Variants in FCHO2 observed in about 807,000 individuals in gnomAD.
FCHO2 encodes FCH and mu domain containing endocytic adaptor 2, also known as F-BAR domain only protein 2.
A neutral mutation model predicts 114.1 loss-of-function variants in FCHO2; 43 were observed. The observed-to-expected ratio is 0.38, with a 90% CI of 0.30 to 0.49. FCHO2 has a LOEUF of 0.49. FCHO2 is among the 20% of genes least tolerant of loss of function. The probability of loss-of-function intolerance (pLI) is 0.97; values close to 1 mark genes in which losing one functional copy is unlikely to be tolerated. For missense variants in FCHO2, 807 were observed against 950.4 expected (o/e 0.85, Z 1.98); for synonymous variants, 293 against 315.2 (o/e 0.93, Z 0.75).
At chr5:73,016,357 G>T (rs188724978) in intron 7 of FCHO2, among the ~76,000 whole-genome samples, 1,240 of 108,450 alleles carry the variant, frequency 0.011, no homozygotes, top group African/African-American at 0.029. Context: ...TATTAAAAAA[G>T]ATTTTAAATT....
intron 11 of FCHO2, among the ~76,000 whole-genome samples, chr5:73,043,441 A>T (rs1029002579): frequency 6.6e-6 from 1 of 152,168 alleles, no homozygotes; most frequent in African/African-American, 2.4e-5. Context: ...ATTAGTGTGT[A>T]TATGTGTGTG....
At chr5:73,064,670 A>G (rs914324223) in intron 18 of FCHO2, among the ~76,000 whole-genome samples, 1 of 152,034 alleles carries the variant, frequency 6.6e-6, no homozygotes, top group Non-Finnish European at 1.5e-5. Context: ...TGCCTCAACA[A>G]CCTACATTAC....
rs536829887 is a variant in FCHO2, at chr5:73,001,947, A to T, written c.496-4498A>T. 1.3e-3 allele frequency among the ~76,000 whole-genome samples: 205 copies of T among 152,052 alleles called. 1 individual carries two copies. The highest frequency in any genetic ancestry group is 3.1e-3 in the Admixed American group (48 of 15,278). ...AGCTGATTGAAAAAATATAAGTCAG[A>T]ACTTAAAAAGAGTACCTTCTTTCTT... On this transcript the variant is annotated intron_variant, in intron 5 of 25. Transcript: ENST00000430046.
chr5:73,017,084 C>T, intron 7 of FCHO2, 128 bp from the exon 8 acceptor site: 1 of 559,756 alleles, frequency 1.8e-6, no homozygotes, highest in Non-Finnish European at 3.0e-6. Context: ...AAATTAAAGT[C>T]CTCAAAGGGC....
intron 7 of FCHO2, among the ~76,000 whole-genome samples, 158 bp from the exon 8 acceptor site, chr5:73,017,054 A>C (rs527402932): frequency 2.0e-5 from 3 of 152,342 alleles, no homozygotes; most frequent in Admixed American, 6.5e-5. Context: ...CTACAGATCC[A>C]GTAATGCTGG....
chr5:73,011,370 CATCTT>C (rs1453237079), intron 6 of FCHO2, among the ~76,000 whole-genome samples: 1 of 152,164 alleles, frequency 6.6e-6, no homozygotes, highest in Non-Finnish European at 1.5e-5. Flanking sequence ...TTTGGGATGA[CATCTT>C]AAAGTAGAAA....
At chr5:72,977,845 C>T (rs1752970686) in intron 2 of FCHO2, among the ~76,000 whole-genome samples, 1 of 152,186 alleles carries the variant, frequency 6.6e-6, no homozygotes, top group South Asian at 2.1e-4. Flanking sequence ...TATGGTTAGC[C>T]AGTTTTCCCA....
chr5:72,964,214 C>T (rs1235721078), intron 1 of FCHO2, among the ~76,000 whole-genome samples: 2 of 152,106 alleles, frequency 1.3e-5, no homozygotes, highest in Non-Finnish European at 2.9e-5. Context: ...ATTCAACTAA[C>T]TGGCAGAGGT....
intron 2 of FCHO2, among the ~76,000 whole-genome samples, chr5:72,970,772 C>G (rs1938230553): frequency 6.6e-6 from 1 of 151,732 alleles, no homozygotes; most frequent in South Asian, 2.1e-4. Context: ...CATATGTATA[C>G]ATGTGCCGTG....
chr5:72,985,095 A>G (rs1561422971), intron 2 of FCHO2, among the ~76,000 whole-genome samples: 1 of 152,088 alleles, frequency 6.6e-6, no homozygotes, highest in African/African-American at 2.4e-5. Context: ...TTTATTAAAT[A>G]TCTTCCTTTA....
At chr5:73,080,923 C>A (rs1273947247) in intron 22 of FCHO2, among the ~76,000 whole-genome samples, 1 of 151,946 alleles carries the variant, frequency 6.6e-6, no homozygotes, top group Non-Finnish European at 1.5e-5. Context: ...CCAGTCTGGG[C>A]AATAAAAAGA....
At chr5:73,037,818 G>A (rs751279567) in intron 10 of FCHO2, 59 of 347,898 alleles carry the variant, frequency 1.7e-4, no homozygotes, top group South Asian at 1.1e-3. Context: ...ATGCAATGGC[G>A]CGATCTTGGC....
chr5:72,968,662 A>G (rs773396604), intron 2 of FCHO2, 73 bp downstream of exon 2: 175 of 1,052,028 alleles, frequency 1.7e-4, no homozygotes, highest in Non-Finnish European at 2.2e-4. Context: ...TAAATAATGG[A>G]GAAAACTTTA....
chr5:73,027,662 A>G (rs557291780), intron 8 of FCHO2, among the ~76,000 whole-genome samples: 1 of 152,296 alleles, frequency 6.6e-6, no homozygotes, highest in Admixed American at 6.5e-5. Flanking sequence ...AATAAAATAA[A>G]TAGCCATTAA....
At chr5:72,956,396 G>T (rs944863260) in intron 1 of FCHO2, among the ~76,000 whole-genome samples, 4 of 151,642 alleles carry the variant, frequency 2.6e-5, no homozygotes, top group Non-Finnish European at 1.5e-5. Context: ...GGGACAAAGC[G>T]CCGGATGGGG....
At chr5:72,970,473 CTT>C (rs879859330) in intron 2 of FCHO2, among the ~76,000 whole-genome samples, 1 of 144,064 alleles carries the variant, frequency 6.9e-6, no homozygotes, top group Non-Finnish European at 1.5e-5. Flanking sequence ...CCTACTTATT[CTT>C]TTTTTTTTTT....
At chr5:72,991,990 A>G (rs867085443) in intron 5 of FCHO2, among the ~76,000 whole-genome samples, 1 of 152,230 alleles carries the variant, frequency 6.6e-6, no homozygotes. Context: ...TTAATATCAT[A>G]TAATTAAATA....
intron 21 of FCHO2, among the ~76,000 whole-genome samples, chr5:73,077,817 T>C (rs1185231822): frequency 2.0e-5 from 3 of 152,128 alleles, no homozygotes; most frequent in Admixed American, 2.0e-4. Flanking sequence ...GTCACTGCAC[T>C]CCAGCCTTGG....
intron 24 of FCHO2, among the ~76,000 whole-genome samples, chr5:73,085,604 G>A (rs1580215728): frequency 6.7e-6 from 1 of 150,214 alleles, no homozygotes; most frequent in East Asian, 2.0e-4. Context: ...GCAAAACCCT[G>A]CCTCTACTAA....
Sources: gnomAD v4.1 joint callset for allele counts (sites outside exome capture counted in the v4.1 genomes callset) on GRCh38, gnomAD v4.1.1 for gene constraint, MANE v1.5 for transcripts, NCBI Gene and HGNC (gene_info 2026-07-23, HGNC 2026-07-21) for gene names.